The following EPHB1 variants were observed in gnomAD, a reference collection of about 807,000 sequenced individuals.
EPHB1 encodes the protein ephrin type-B receptor 1.
In EPHB1, 30 loss-of-function variants were observed where a neutral mutation model predicts 94.4. That is an observed-to-expected ratio of 0.32 (90% CI 0.24 to 0.43). The LOEUF is 0.43. Ranked by LOEUF, EPHB1 falls within the 20% of genes least tolerant of loss-of-function variation. The pLI, the probability that EPHB1 is intolerant of heterozygous loss-of-function variation, is 1.00. For synonymous variants in EPHB1, 522 were observed against 489.1 expected (o/e 1.07, Z -0.89); for missense variants, 1,055 against 1,308.3 (o/e 0.81, Z 2.99).
rs544228821 is a variant in EPHB1, at chr3:135,198,942, G to A, written c.2131-2532G>A. Among the ~76,000 whole-genome samples, 15 of 152,300 alleles carry A rather than the reference G, an allele frequency of 9.8e-5. No individual in the cohort carries two copies. In the South Asian group the frequency reaches 2.9e-3, roughly 29 times the overall value. On this transcript the variant is annotated intron_variant, in intron 11 of 15. Coordinates refer to ENST00000398015, the MANE Select transcript of EPHB1 (RefSeq NM_004441.5). ...CCAAATCAGGTCTGCTGGCTCCAAA[G>A]CCTGGACCTTTCCTCATTTCTTGGT...
At chr3:134,985,749 G>A (rs1165670043) in intron 3 of EPHB1, among the ~76,000 whole-genome samples, 1 of 152,126 alleles carries the variant, frequency 6.6e-6, no homozygotes, top group East Asian at 1.9e-4. Flanking sequence ...AGTTACTCCT[G>A]TTTTGTTCTT....
At chr3:135,133,608 G>A (rs1940504450) in intron 5 of EPHB1, among the ~76,000 whole-genome samples, 1 of 152,174 alleles carries the variant, frequency 6.6e-6, no homozygotes, top group Non-Finnish European at 1.5e-5. Context: ...AATCTATGTA[G>A]TTCAAAAGTG....
At chr3:135,235,396 G>A (rs891627586) in intron 12 of EPHB1, among the ~76,000 whole-genome samples, 10 of 152,176 alleles carry the variant, frequency 6.6e-5, no homozygotes, top group African/African-American at 2.4e-4. Flanking sequence ...CCCAGAACTA[G>A]TAAATTTTAA....
At chr3:135,103,961 T>G (rs933035720) in intron 3 of EPHB1, among the ~76,000 whole-genome samples, 3 of 152,270 alleles carry the variant, frequency 2.0e-5, no homozygotes, top group Non-Finnish European at 4.4e-5. Flanking sequence ...CAATTGTTTA[T>G]GCTGTTAACT....
At chr3:135,166,872 A>G in intron 8 of EPHB1, 70 bp from the exon 9 acceptor site, 2 of 1,556,322 alleles carry the variant, frequency 1.3e-6, no homozygotes, top group Non-Finnish European at 1.8e-6. Context: ...CCTGGGGCCT[A>G]GATGGAGGTA....
intron 1 of EPHB1, among the ~76,000 whole-genome samples, chr3:134,795,957 C>G (rs1395119607): frequency 1.3e-5 from 2 of 152,230 alleles, no homozygotes; most frequent in Admixed American, 1.3e-4. Context: ...GCCTCGGTCT[C>G]CCGCAGCCCC....
intron 4 of EPHB1, among the ~76,000 whole-genome samples, chr3:135,121,176 G>A (rs1308393750): frequency 1.3e-5 from 2 of 152,198 alleles, no homozygotes; most frequent in South Asian, 2.1e-4. Flanking sequence ...TGGCTTGCGA[G>A]GAGCTGAGAT....
At chr3:135,003,735 A>G (rs1935277020) in intron 3 of EPHB1, among the ~76,000 whole-genome samples, 1 of 151,444 alleles carries the variant, frequency 6.6e-6, no homozygotes, top group Non-Finnish European at 1.5e-5. Flanking sequence ...GTCTCTTTTG[A>G]TCTTTGTTGG....
At chr3:135,016,939 C>T (rs918053742) in intron 3 of EPHB1, among the ~76,000 whole-genome samples, 5 of 152,118 alleles carry the variant, frequency 3.3e-5, no homozygotes, top group Non-Finnish European at 5.9e-5. Context: ...TGTAGCTCAC[C>T]CCAAACAGCT....
intron 1 of EPHB1, among the ~76,000 whole-genome samples, chr3:134,828,923 G>A (rs2036533395): frequency 6.6e-6 from 1 of 152,178 alleles, no homozygotes; most frequent in South Asian, 2.1e-4. Flanking sequence ...TAAAGGAGGA[G>A]GTCTGAGTGG....
At chr3:135,180,499 CTTTG>C (rs946565298) in intron 10 of EPHB1, among the ~76,000 whole-genome samples, 9 of 152,080 alleles carry the variant, frequency 5.9e-5, no homozygotes, top group Non-Finnish European at 1.2e-4. Flanking sequence ...TGTTTGTTTT[CTTTG>C]TTTGTTTGTT....
chr3:134,924,265 A>T (rs777651347), intron 1 of EPHB1, among the ~76,000 whole-genome samples: 4 of 152,194 alleles, frequency 2.6e-5, no homozygotes, highest in Non-Finnish European at 4.4e-5. Flanking sequence ...AAAATTAAAA[A>T]CTTCTGATTT....
At chr3:135,231,381 T>G (rs1009311674) in intron 12 of EPHB1, among the ~76,000 whole-genome samples, 1 of 152,188 alleles carries the variant, frequency 6.6e-6, no homozygotes, top group Non-Finnish European at 1.5e-5. Flanking sequence ...TTTTTTCCAG[T>G]TGGGAAATGT....
intron 3 of EPHB1, among the ~76,000 whole-genome samples, chr3:135,086,717 AT>A (rs1243905870): frequency 1.3e-5 from 2 of 151,886 alleles, no homozygotes; most frequent in East Asian, 2.0e-4. Flanking sequence ...ACCCCTCTAT[AT>A]GCTTCTCTTT....
chr3:135,139,259 G>T (rs1186322901), intron 5 of EPHB1, among the ~76,000 whole-genome samples: 1 of 152,176 alleles, frequency 6.6e-6, no homozygotes, highest in Admixed American at 6.5e-5. Context: ...GCTCCTTGCA[G>T]GAAAACTTAG....
chr3:135,217,933 C>T (rs1943193885), intron 12 of EPHB1, among the ~76,000 whole-genome samples: 1 of 152,134 alleles, frequency 6.6e-6, no homozygotes, highest in Admixed American at 6.5e-5. Context: ...GCAAGGTTTA[C>T]TGGCTTTCTG....
chr3:135,040,720 T>C (rs1017582930), intron 3 of EPHB1, among the ~76,000 whole-genome samples: 1 of 152,232 alleles, frequency 6.6e-6, no homozygotes, highest in African/African-American at 2.4e-5. Context: ...AATCATGTCA[T>C]AGCCCTGGCA....
chr3:134,932,065 A>T (rs766884119), intron 2 of EPHB1, among the ~76,000 whole-genome samples: 1 of 151,850 alleles, frequency 6.6e-6, no homozygotes, highest in African/African-American at 2.4e-5. Flanking sequence ...ATGAAGTTAA[A>T]TTAGCTGATC....
At chr3:135,249,204 G>GC in intron 14 of EPHB1, 132 bp from the exon 15 acceptor site, 1 of 1,074,666 alleles carries the variant, frequency 9.3e-7, no homozygotes, top group Middle Eastern at 3.2e-4. Context: ...GAAAGGTTCA[G>GC]CCCAGGGCTC....
Sources: gnomAD v4.1 joint callset for allele counts (sites outside exome capture counted in the v4.1 genomes callset) on GRCh38, gnomAD v4.1.1 for gene constraint, MANE v1.5 for transcripts, NCBI Gene and HGNC (gene_info 2026-07-23, HGNC 2026-07-21) for gene names.